Variants in POFUT3 observed in about 807,000 individuals in gnomAD.
The protein encoded by POFUT3 is GDP-fucose protein O-fucosyltransferase 3.
At chr8:33,375,031 C>T in the POFUT3 span, among the ~76,000 whole-genome samples, 7 of 151,868 alleles carry the variant, frequency 4.6e-5, no homozygotes, top group Admixed American at 3.9e-4. Flanking sequence ...CAGGTGCCTG[C>T]CACTATGTCC....
At chr8:33,445,498 C>T in the POFUT3 span, among the ~76,000 whole-genome samples, 12,413 of 152,134 alleles carry the variant, frequency 0.082, 655 homozygotes, top group African/African-American at 0.15. Flanking sequence ...CCTTAGGAGA[C>T]ACCCAGTACA....
the POFUT3 span, among the ~76,000 whole-genome samples, chr8:33,341,012 T>C: frequency 6.6e-6 from 1 of 152,026 alleles, no homozygotes; most frequent in East Asian, 1.9e-4. Flanking sequence ...ACTCAGAAAA[T>C]ATATACCAAG....
At chr8:33,329,264 A>G in the POFUT3 span, among the ~76,000 whole-genome samples, 5 of 152,232 alleles carry the variant, frequency 3.3e-5, no homozygotes, top group African/African-American at 1.2e-4. Flanking sequence ...GGGAAGATGT[A>G]TTGCTATTGA....
At chr8:33,406,841 T>A in the POFUT3 span, among the ~76,000 whole-genome samples, 2 of 152,172 alleles carry the variant, frequency 1.3e-5, no homozygotes, top group African/African-American at 4.8e-5. Context: ...ATTACAGGCA[T>A]GAGCCACTGT....
At chr8:33,461,786 G>A in the POFUT3 span, 5 of 599,706 alleles carry the variant, frequency 8.3e-6, no homozygotes, top group Non-Finnish European at 1.3e-5. Context: ...TCTTGCAGCA[G>A]GGTGATCATG....
chr8:33,470,758 G>C, the POFUT3 span, among the ~76,000 whole-genome samples: 1 of 152,098 alleles, frequency 6.6e-6, no homozygotes, highest in Non-Finnish European at 1.5e-5. Context: ...TGAGGAGCTG[G>C]TTCAGTAACA....
chr8:33,386,320 C>T, the POFUT3 span, among the ~76,000 whole-genome samples: 1 of 151,558 alleles, frequency 6.6e-6, no homozygotes, highest in African/African-American at 2.4e-5. Context: ...AAAATGCAAG[C>T]AAAGCCTCCT....
chr8:33,412,657 T>C, the POFUT3 span, among the ~76,000 whole-genome samples: 1 of 152,206 alleles, frequency 6.6e-6, no homozygotes, highest in Non-Finnish European at 1.5e-5. Flanking sequence ...AGACAGAGTC[T>C]CACTCTGTTG....
chr8:33,329,649 G>T, the POFUT3 span, among the ~76,000 whole-genome samples: 1 of 152,114 alleles, frequency 6.6e-6, no homozygotes, highest in Non-Finnish European at 1.5e-5. Flanking sequence ...AGAGAGAGGC[G>T]CTTCCCCTTA....
chr8:33,342,963 C>T, the POFUT3 span, among the ~76,000 whole-genome samples: 38 of 151,954 alleles, frequency 2.5e-4, no homozygotes, highest in African/African-American at 8.4e-4. Flanking sequence ...GAATATTAGC[C>T]GGGTGTGGTG....
At chr8:33,437,133 T>G in the POFUT3 span, among the ~76,000 whole-genome samples, 1 of 152,178 alleles carries the variant, frequency 6.6e-6, no homozygotes, top group South Asian at 2.1e-4. Flanking sequence ...TTCCACGGTG[T>G]ATATGAAGAT....
At chr8:33,323,561 T>G in the POFUT3 span, among the ~76,000 whole-genome samples, 4 of 152,152 alleles carry the variant, frequency 2.6e-5, no homozygotes, top group Admixed American at 6.5e-5. Context: ...TATGTGCAAG[T>G]CAGATGCCTT....
chr8:33,457,764 GTAAAATTAAAAAA>G, the POFUT3 span, among the ~76,000 whole-genome samples: 1 of 151,792 alleles, frequency 6.6e-6, no homozygotes, highest in Non-Finnish European at 1.5e-5. Flanking sequence ...CAACTAAAAA[GTAAAATTAAAAAA>G]TAAATATACA....
chr8:33,416,830 C>CAAAAAAAAAAAAAAAAAAAAAAAA, the POFUT3 span, among the ~76,000 whole-genome samples: 1 of 44,556 alleles, frequency 2.2e-5, no homozygotes, highest in African/African-American at 6.0e-5. Context: ...TGGGCGACGA[C>CAAAAAAAAAAAAAAAAAAAAAAAA]AAAAAAAAAA....
the POFUT3 span, among the ~76,000 whole-genome samples, chr8:33,428,506 GACTA>G: frequency 3.3e-5 from 5 of 152,290 alleles, no homozygotes; most frequent in East Asian, 1.9e-4. Context: ...GGATGCTTTA[GACTA>G]ACTAACAAGG....
At chr8:33,389,713 G>GT in the POFUT3 span, 1 of 1,614,154 alleles carries the variant, frequency 6.2e-7, no homozygotes, top group Non-Finnish European at 8.5e-7. Context: ...GCTTATAATT[G>GT]TTTTTCGGGG....
the POFUT3 span, among the ~76,000 whole-genome samples, chr8:33,403,829 T>C: frequency 6.6e-6 from 1 of 152,296 alleles, no homozygotes; most frequent in East Asian, 1.9e-4. Context: ...CTGTAGAGAC[T>C]GGGGTTCAAA....
At chr8:33,351,573 T>C in the POFUT3 span, among the ~76,000 whole-genome samples, 144 of 152,274 alleles carry the variant, frequency 9.5e-4, no homozygotes, top group African/African-American at 3.3e-3. Context: ...CCAGCACCAC[T>C]TCCTCTTCCA....
chr8:33,389,423 T>C, the POFUT3 span: 1 of 1,614,016 alleles, frequency 6.2e-7, no homozygotes, highest in Non-Finnish European at 8.5e-7. Flanking sequence ...CTGAGGGAGG[T>C]CTTTGTTTCG....
Sources: allele counts gnomAD v4.1 joint callset (sites outside exome capture counted in the v4.1 genomes callset), GRCh38; gene constraint gnomAD v4.1.1; transcripts MANE v1.5; gene names NCBI Gene and HGNC (gene_info 2026-07-23, HGNC 2026-07-21).